Variants in CTDSPL observed in about 807,000 individuals in gnomAD.
The protein encoded by CTDSPL is CTD small phosphatase-like protein.
In CTDSPL, 8 loss-of-function variants were observed where a neutral mutation model predicts 30.5. The ratio of observed to expected loss-of-function variants is 0.26; its 90% CI spans 0.15 to 0.47. CTDSPL has a LOEUF of 0.47. CTDSPL is among the 20% of genes least tolerant of loss of function. The pLI is 0.99. For synonymous variants in CTDSPL, 110 were observed against 137.9 expected, an observed-to-expected ratio of 0.80 and a Z score of 1.42; for missense variants, 248 against 366.1, an observed-to-expected ratio of 0.68 and a Z score of 2.63.
At chr3:37,959,325 G>A (rs923761299) in intron 3 of CTDSPL, among the ~76,000 whole-genome samples, 4 of 152,104 alleles carry the variant, frequency 2.6e-5, no homozygotes, top group Non-Finnish European at 2.9e-5. Flanking sequence ...AAATATTGAC[G>A]GATTTGGGAT....
intron 1 of CTDSPL, among the ~76,000 whole-genome samples, chr3:37,918,003 G>A (rs1698669785): frequency 6.6e-6 from 1 of 152,116 alleles, no homozygotes; most frequent in Non-Finnish European, 1.5e-5. Flanking sequence ...AGAACAAGTA[G>A]GGGATAAAGG....
At chr3:37,931,809 T>A (rs900572940) in intron 1 of CTDSPL, among the ~76,000 whole-genome samples, 2 of 152,030 alleles carry the variant, frequency 1.3e-5, no homozygotes, top group African/African-American at 4.8e-5. Context: ...TTTTTTTTTT[T>A]ACTTTTTCAT....
At chr3:37,891,253 G>T (rs1698321907) in intron 1 of CTDSPL, among the ~76,000 whole-genome samples, 1 of 152,068 alleles carries the variant, frequency 6.6e-6, no homozygotes, top group Non-Finnish European at 1.5e-5. Flanking sequence ...TATATATCTG[G>T]GATCTACCCC....
chr3:37,889,601 G>C (rs916907390), intron 1 of CTDSPL, among the ~76,000 whole-genome samples: 2 of 152,132 alleles, frequency 1.3e-5, no homozygotes, highest in Non-Finnish European at 2.9e-5. Context: ...GAAATAATGT[G>C]AGAGAATTTT....
chr3:37,868,919 A>G (rs1014769437), intron 1 of CTDSPL, among the ~76,000 whole-genome samples: 3 of 152,068 alleles, frequency 2.0e-5, no homozygotes, highest in Non-Finnish European at 4.4e-5. Flanking sequence ...ATTTTACAAT[A>G]CTCTTGTCTA....
intron 6 of CTDSPL, among the ~76,000 whole-genome samples, chr3:37,971,913 A>G (rs1699371501): frequency 6.6e-6 from 1 of 152,198 alleles, no homozygotes; most frequent in Non-Finnish European, 1.5e-5. Context: ...TAAGTGTTGG[A>G]CACTCACCCA....
Position 37,938,086 on chromosome 3 carries a change from T to C in CTDSPL, c.80-8971T>C, listed in dbSNP as rs1300304818. ...TGAATGTTGAGGGATGGATTCATAG[T>C]GAGTAGCAAACATTTCCACCTACAT... On this transcript the variant is annotated intron_variant, in intron 1 of 7. Coordinates refer to ENST00000273179, the MANE Select transcript of CTDSPL (RefSeq NM_001008392.2). Among the ~76,000 whole-genome samples, 5 of 150,358 alleles carry C rather than the reference T, an allele frequency of 3.3e-5. No individual in the cohort carries two copies. In the East Asian group the frequency reaches 9.7e-4, roughly 29 times the overall value.
chr3:37,909,782 T>G (rs750069812), intron 1 of CTDSPL, among the ~76,000 whole-genome samples: 7 of 152,216 alleles, frequency 4.6e-5, no homozygotes, highest in Non-Finnish European at 1.0e-4. Context: ...AGTCCCACAT[T>G]TGGGGAGGGA....
At chr3:37,869,422 G>T (rs1698048559) in intron 1 of CTDSPL, among the ~76,000 whole-genome samples, 1 of 152,022 alleles carries the variant, frequency 6.6e-6, no homozygotes, top group Non-Finnish European at 1.5e-5. Context: ...CGTGTTCAGT[G>T]CTAACATGCA....
chr3:37,972,233 A>G (rs193042622), intron 6 of CTDSPL, among the ~76,000 whole-genome samples: 4 of 152,300 alleles, frequency 2.6e-5, no homozygotes, highest in Admixed American at 1.3e-4. Flanking sequence ...GCGGTTGCTC[A>G]TGCCTGTAAT....
chr3:37,903,838 G>T (rs143540373), intron 1 of CTDSPL, among the ~76,000 whole-genome samples: 1 of 152,208 alleles, frequency 6.6e-6, no homozygotes, highest in Non-Finnish European at 1.5e-5. Context: ...GACTACCACT[G>T]TCAGGACAGG....
intron 4 of CTDSPL, among the ~76,000 whole-genome samples, chr3:37,966,179 A>G (rs1699296830): frequency 6.6e-6 from 1 of 152,206 alleles, no homozygotes. Context: ...CAGTGTCTCT[A>G]GCACCTGCTC....
intron 1 of CTDSPL, among the ~76,000 whole-genome samples, chr3:37,924,171 G>T (rs1204351678): frequency 6.6e-6 from 1 of 152,226 alleles, no homozygotes; most frequent in African/African-American, 2.4e-5. Context: ...CGTTTATGAT[G>T]ATTCAAACTA....
chr3:37,965,622 T>C (rs1699291720), intron 4 of CTDSPL, among the ~76,000 whole-genome samples: 1 of 152,162 alleles, frequency 6.6e-6, no homozygotes, highest in Admixed American at 6.5e-5. Flanking sequence ...TCACCATCCA[T>C]GATGGGGCAT....
At chr3:37,968,291 C>G (rs1321265709) in intron 5 of CTDSPL, 2 of 455,530 alleles carry the variant, frequency 4.4e-6, no homozygotes, top group Non-Finnish European at 4.4e-6. Context: ...TCAATGCCAG[C>G]TGCTCCAGAC....
At chr3:37,924,763 T>C (rs1249562831) in intron 1 of CTDSPL, among the ~76,000 whole-genome samples, 1 of 152,202 alleles carries the variant, frequency 6.6e-6, no homozygotes. Context: ...CGTCTGCTCA[T>C]CTGTGCAGAC....
chr3:37,914,764 G>A lies in CTDSPL; in HGVS notation c.80-32293G>A, dbSNP rs867395035. Among the ~76,000 whole-genome samples the A allele has an allele frequency of 2.0e-5, 3 of 151,324 alleles. No homozygotes were observed. In the South Asian group the frequency reaches 6.2e-4, roughly 31 times the overall value. Reference sequence around the variant, plus strand: ...TACTATAATTTCACTTTTTGATAATGTCCTTGTCAGATTTTTGTGTCATGG... The same window carrying A: ...TACTATAATTTCACTTTTTGATAATATCCTTGTCAGATTTTTGTGTCATGG... On this transcript the variant is annotated intron_variant, in intron 1 of 7. Transcript: ENST00000273179.
chr3:37,870,864 T>C (rs1001559848), intron 1 of CTDSPL, among the ~76,000 whole-genome samples: 1 of 152,172 alleles, frequency 6.6e-6, no homozygotes. Flanking sequence ...TTTCCATATA[T>C]TCCCTGACTG....
At chr3:37,863,445 T>G (rs1331163149) in intron 1 of CTDSPL, among the ~76,000 whole-genome samples, 1 of 152,234 alleles carries the variant, frequency 6.6e-6, no homozygotes, top group Non-Finnish European at 1.5e-5. Flanking sequence ...TCTAGTGTGT[T>G]GGGACTTGGA....
Sources: allele counts gnomAD v4.1 joint callset (sites outside exome capture counted in the v4.1 genomes callset), GRCh38; gene constraint gnomAD v4.1.1; transcripts MANE v1.5; gene names NCBI Gene and HGNC (gene_info 2026-07-23, HGNC 2026-07-21).